The following SMARCC1 variants were observed in gnomAD, a reference collection of about 807,000 sequenced individuals.
The protein encoded by SMARCC1 is SWI/SNF related BAF chromatin remodeling complex subunit C1.
Under a neutral mutation model 147.4 loss-of-function variants are expected in SMARCC1, and 43 were observed. That is an observed-to-expected ratio of 0.29 (90% CI 0.23 to 0.38). SMARCC1 has a LOEUF of 0.38. Ranked by LOEUF, SMARCC1 falls within the 10% of genes least tolerant of loss-of-function variation. SMARCC1 has a pLI of 1.00. For missense variants in SMARCC1, 1,119 were observed against 1,381.1 expected (o/e 0.81, Z 3.01); for synonymous variants, 495 against 484.4 (o/e 1.02, Z -0.29).
chr3:47,778,428 T>C (rs113001293), intron 1 of SMARCC1, among the ~76,000 whole-genome samples: 2 of 151,848 alleles, frequency 1.3e-5, no homozygotes, highest in Non-Finnish European at 2.9e-5. Flanking sequence ...CCAAGGACCC[T>C]GCCTCAGCCA....
At chr3:47,770,980 G>A (rs1341317567) in intron 2 of SMARCC1, among the ~76,000 whole-genome samples, 2 of 151,980 alleles carry the variant, frequency 1.3e-5, no homozygotes, top group African/African-American at 2.4e-5. Context: ...GCGCAATCTC[G>A]GCTCACTGCA....
chr3:47,613,129 C>T (rs1335358999), intron 25 of SMARCC1, among the ~76,000 whole-genome samples: 3 of 152,148 alleles, frequency 2.0e-5, no homozygotes, highest in Non-Finnish European at 2.9e-5. Flanking sequence ...GATTAGGCAT[C>T]TGGAAATCTG....
At chr3:47,699,738 T>C (rs983615610) in intron 11 of SMARCC1, among the ~76,000 whole-genome samples, 3 of 152,176 alleles carry the variant, frequency 2.0e-5, no homozygotes, top group Non-Finnish European at 4.4e-5. Flanking sequence ...AGATAAATCA[T>C]ACAGACTTAT....
chr3:47,766,798 A>T (rs2034845772), intron 2 of SMARCC1, among the ~76,000 whole-genome samples: 1 of 152,160 alleles, frequency 6.6e-6, no homozygotes, highest in Non-Finnish European at 1.5e-5. Context: ...CCTTAGCCTT[A>T]TGAAATGCTT....
chr3:47,672,084 G>C (rs941166134), intron 18 of SMARCC1, among the ~76,000 whole-genome samples: 2 of 152,122 alleles, frequency 1.3e-5, no homozygotes, highest in African/African-American at 4.8e-5. Context: ...AGTAGTCTTT[G>C]AACTAAAGAA....
At chr3:47,614,214 C>T (rs1255595600) in intron 25 of SMARCC1, among the ~76,000 whole-genome samples, 2 of 152,170 alleles carry the variant, frequency 1.3e-5, no homozygotes, top group African/African-American at 4.8e-5. Flanking sequence ...TTGCATTTTG[C>T]TACTTCCATG....
rs368655460 is a variant in SMARCC1, at chr3:47,588,265, C to T, written c.3262G>A (p.Ala1088Thr). The T allele has an allele frequency of 2.5e-6, 4 of 1,613,734 alleles. No homozygotes were observed. The Admixed American group carries it at 5.0e-5, about 20-fold the overall frequency. Residue 1088 changes from alanine to threonine, a missense_variant, in exon 28 of 28, where the codon GCA (alanine) becomes ACA (threonine). By Grantham distance (58) the Ala-to-Thr change is moderately conservative. Coordinates refer to ENST00000254480, the MANE Select transcript of SMARCC1 (RefSeq NM_003074.4). ...GCAGGAGGCGGAGGGACCCCATCTG[C>T]AGGTGGTGGTGGCGGTGGCTGCTGC... ...PQQQPPPPPPADGVPPPPAPG... is the reference protein window; with the variant it reads ...PQQQPPPPPPTDGVPPPPAPG...
intron 21 of SMARCC1, among the ~76,000 whole-genome samples, chr3:47,650,303 T>A (rs1021658700): frequency 1.4e-5 from 2 of 146,376 alleles, no homozygotes; most frequent in African/African-American, 5.0e-5. Flanking sequence ...ATAATAATTA[T>A]TATTATTATT....
chr3:47,670,613 G>A, intron 19 of SMARCC1, 45 bp downstream of exon 19: 1 of 1,177,466 alleles, frequency 8.5e-7, no homozygotes, highest in South Asian at 1.2e-5. Flanking sequence ...TAAAATGCTA[G>A]TCAAAGAATC....
intron 9 of SMARCC1, among the ~76,000 whole-genome samples, chr3:47,708,104 T>C (rs1433544077): frequency 2.5e-5 from 3 of 121,126 alleles, no homozygotes; most frequent in East Asian, 2.4e-4. Flanking sequence ...TTTTTTTTTT[T>C]TTTTTTTTTT....
chr3:47,740,178 C>CTTTTTTTTTTTTTTTTTTTTTT (rs34523367), intron 3 of SMARCC1, among the ~76,000 whole-genome samples: 1 of 35,708 alleles, frequency 2.8e-5, no homozygotes, highest in African/African-American at 7.9e-5. Context: ...GCCCGGCCAT[C>CTTTTTTTTTTTTTTTTTTTTTT]TTTTTTTTTT....
chr3:47,725,280 G>A (rs1423881680), intron 6 of SMARCC1, among the ~76,000 whole-genome samples: 1 of 151,944 alleles, frequency 6.6e-6, no homozygotes, highest in Non-Finnish European at 1.5e-5. Flanking sequence ...TATCTATACA[G>A]CAAGAGAGTA....
chr3:47,600,596 C>G (rs1346454929), intron 26 of SMARCC1, among the ~76,000 whole-genome samples: 2 of 152,180 alleles, frequency 1.3e-5, no homozygotes, highest in African/African-American at 4.8e-5. Flanking sequence ...CCAGGTCTCT[C>G]TGACCCTGAG....
rs1026748048 is a variant in SMARCC1, at chr3:47,654,663, T to C, written c.2320+6631A>G. Among the ~76,000 whole-genome samples, 15 of 152,318 alleles carry C rather than the reference T, an allele frequency of 9.8e-5. No homozygotes were observed. In the East Asian group the frequency reaches 2.9e-3, roughly 29 times the overall value. On this transcript the variant is annotated intron_variant, in intron 21 of 27. Transcript: ENST00000254480. ...TCCTAGCAAAGGATTTTGTTCTGTG[T>C]CGCAACATGGCAGAGGAGGTCAAAG...
At chr3:47,730,477 C>T (rs1022720736) in intron 5 of SMARCC1, among the ~76,000 whole-genome samples, 1 of 152,070 alleles carries the variant, frequency 6.6e-6, no homozygotes. Context: ...TGAGAGAGAC[C>T]CTGTCTCTCA....
At chr3:47,742,201 A>C (rs1416738297) in intron 3 of SMARCC1, among the ~76,000 whole-genome samples, 1 of 151,966 alleles carries the variant, frequency 6.6e-6, no homozygotes, top group Non-Finnish European at 1.5e-5. Context: ...TAGAAAGCAA[A>C]ACTTAATATA....
chr3:47,741,941 G>C (rs1159895224), intron 3 of SMARCC1, among the ~76,000 whole-genome samples: 1 of 151,252 alleles, frequency 6.6e-6, no homozygotes, highest in East Asian at 1.9e-4. Flanking sequence ...TGTGGGGATG[G>C]CCTCCAGGGT....
chr3:47,724,612 T>C (rs1576422759), intron 6 of SMARCC1, among the ~76,000 whole-genome samples: 1 of 152,212 alleles, frequency 6.6e-6, no homozygotes, highest in African/African-American at 2.4e-5. Context: ...CTAGCATTAC[T>C]GTATTTTATG....
chr3:47,767,753 A>G (rs996000713), intron 2 of SMARCC1, among the ~76,000 whole-genome samples: 39 of 151,544 alleles, frequency 2.6e-4, no homozygotes, highest in African/African-American at 9.2e-4. Context: ...CTGTAATCCC[A>G]GGTCCTCGGG....
Sources: allele counts gnomAD v4.1 joint callset (sites outside exome capture counted in the v4.1 genomes callset), GRCh38; gene constraint gnomAD v4.1.1; transcripts MANE v1.5; gene names NCBI Gene and HGNC (gene_info 2026-07-23, HGNC 2026-07-21).